SYT16: variants seen among roughly 807,000 people sequenced by gnomAD.
SYT16 encodes the protein synaptotagmin-16.
Under a neutral mutation model 61.4 loss-of-function variants are expected in SYT16, and 42 were observed. The ratio of observed to expected loss-of-function variants is 0.68; its 90% CI spans 0.53 to 0.89. The LOEUF (loss-of-function observed/expected upper bound fraction) is 0.89, where lower values mean the gene tolerates loss of function less well. Ranked by LOEUF, SYT16 falls within the 40% of genes least tolerant of loss-of-function variation. The pLI, the probability that SYT16 is intolerant of heterozygous loss-of-function variation, is 0.00. For synonymous variants in SYT16, 314 were observed against 302.3 expected (o/e 1.04, Z -0.40); for missense variants, 804 against 807.3 (o/e 1.00, Z 0.05).
At chr14:61,919,097 C>T (rs2049231490) in intron 1 of SYT16, among the ~76,000 whole-genome samples, 1 of 152,148 alleles carries the variant, frequency 6.6e-6, no homozygotes, top group Non-Finnish European at 1.5e-5. Context: ...GTTTCTCCAA[C>T]AGGGATATAT....
chr14:61,889,611 CCTCCCTCTCTCTCT>C (rs1422898887), intron 1 of SYT16, among the ~76,000 whole-genome samples: 1 of 151,086 alleles, frequency 6.6e-6, no homozygotes, highest in Non-Finnish European at 1.5e-5. Flanking sequence ...TCTCTGTCTC[CCTCCCTCTCTCTCT>C]CTCCCCTCCC....
intron 1 of SYT16, among the ~76,000 whole-genome samples, chr14:61,859,072 G>A (rs1014269927): frequency 2.6e-5 from 4 of 151,762 alleles, no homozygotes; most frequent in African/African-American, 7.3e-5. Flanking sequence ...TGTTAGCCAG[G>A]ATGGTCTTGA....
rs770798283 is a variant in SYT16, at chr14:62,084,255, G to A, written c.1494G>A (p.Thr498=). 2.4e-5 allele frequency: 38 copies of A among 1,613,810 alleles called. No homozygotes were observed. The highest frequency in any genetic ancestry group is 4.5e-5 in the East Asian group (2 of 44,888). Reference sequence around the variant, plus strand: ...CTCACAGTGATAGTACTTCATCCACGCAGTCGCTGTCTCATGGAGGGGCGC... The same window carrying A: ...CTCACAGTGATAGTACTTCATCCACACAGTCGCTGTCTCATGGAGGGGCGC... The part of the protein sequence containing the change: ...AVSHSDSTSS[T]QSLSHGGAPE... The change falls in exon 7 of 8, where the codon ACG becomes ACA. Residue 498 remains threonine, a synonymous_variant. Coordinates refer to ENST00000683842, the MANE Select transcript of SYT16 (RefSeq NM_001367656.1).
chr14:61,939,004 G>C (rs536456990), intron 1 of SYT16, among the ~76,000 whole-genome samples: 1 of 152,094 alleles, frequency 6.6e-6, no homozygotes, highest in Non-Finnish European at 1.5e-5. Flanking sequence ...GCATGGTGGC[G>C]GGTGCCTATA....
chr14:61,986,271 C>G (rs575337542), intron 2 of SYT16, among the ~76,000 whole-genome samples: 40 of 151,802 alleles, frequency 2.6e-4, no homozygotes, highest in Non-Finnish European at 5.6e-4. Flanking sequence ...CAGAAGTAAG[C>G]TTTAGCGTAG....
chr14:61,880,646 T>C, intron 1 of SYT16, among the ~76,000 whole-genome samples: 1 of 152,210 alleles, frequency 6.6e-6, no homozygotes, highest in African/African-American at 2.4e-5. Context: ...TCAGCAAAAT[T>C]TCACAATTTT....
intron 3 of SYT16, 53 bp downstream of exon 3, chr14:61,996,595 T>G: frequency 6.6e-7 from 1 of 1,519,762 alleles, no homozygotes; most frequent in Non-Finnish European, 8.8e-7. Context: ...GCATTTCTAC[T>G]TATTTTATTT....
chr14:61,921,650 A>AAAGG (rs1284779877), intron 1 of SYT16, among the ~76,000 whole-genome samples: 3 of 152,204 alleles, frequency 2.0e-5, no homozygotes, highest in South Asian at 2.1e-4. Flanking sequence ...GACTTAGAGT[A>AAAGG]AAGGGCTCAG....
chr14:61,923,431 G>T (rs1208164163), intron 1 of SYT16, among the ~76,000 whole-genome samples: 1 of 152,112 alleles, frequency 6.6e-6, no homozygotes, highest in Non-Finnish European at 1.5e-5. Context: ...AAATTGTATT[G>T]ATTTCTACTG....
chr14:61,924,294 G>A (rs539710318), intron 1 of SYT16, among the ~76,000 whole-genome samples: 2 of 152,266 alleles, frequency 1.3e-5, no homozygotes, highest in South Asian at 4.1e-4. Context: ...TTATTTGAGG[G>A]TATATGAGAC....
chr14:62,028,597 A>G (rs142186796), intron 3 of SYT16, among the ~76,000 whole-genome samples: 5 of 152,162 alleles, frequency 3.3e-5, no homozygotes, highest in African/African-American at 4.8e-5. Context: ...ATATTAATTT[A>G]TGTGTTAATT....
intron 3 of SYT16, among the ~76,000 whole-genome samples, chr14:62,067,641 G>A (rs1830929717): frequency 6.6e-6 from 1 of 152,200 alleles, no homozygotes; most frequent in South Asian, 2.1e-4. Flanking sequence ...GGAAACTCTA[G>A]CATACTGTTG....
At chr14:61,983,909 A>G (rs1261741543) in intron 2 of SYT16, among the ~76,000 whole-genome samples, 2 of 152,228 alleles carry the variant, frequency 1.3e-5, no homozygotes, top group African/African-American at 4.8e-5. Context: ...AGCATTGACT[A>G]CAGAGTGGTA....
At chr14:62,041,542 TG>T (rs1467539243) in intron 3 of SYT16, among the ~76,000 whole-genome samples, 2 of 152,206 alleles carry the variant, frequency 1.3e-5, no homozygotes, top group Non-Finnish European at 2.9e-5. Flanking sequence ...AGTCTTGCTC[TG>T]TCGCCTGGGC....
chr14:62,085,587 A>G (rs2056857966), intron 7 of SYT16, among the ~76,000 whole-genome samples: 1 of 152,196 alleles, frequency 6.6e-6, no homozygotes, highest in South Asian at 2.1e-4. Context: ...CCTACAACTG[A>G]ATCTGGGCTC....
chr14:61,876,460 T>G (rs1048899589), intron 1 of SYT16, among the ~76,000 whole-genome samples: 47 of 152,182 alleles, frequency 3.1e-4, no homozygotes, highest in Non-Finnish European at 1.5e-5. Flanking sequence ...TTGACTTGTG[T>G]TCGGATGGGA....
rs565094426 is a variant in SYT16, at chr14:62,100,385, T to G, written c.1625-9T>G. The G allele has an allele frequency of 6.4e-7, 1 of 1,564,502 alleles. No individual in the cohort carries two copies. The highest frequency in any genetic ancestry group is 1.2e-5 in the South Asian group (1 of 82,964). On this transcript the variant is annotated splice_polypyrimidine_tract_variant and intron_variant, in intron 7 of 7. Transcript: ENST00000683842. ...TCATCCCCACCCCACCCTTTTTTTT[T>G]TGTCTTAGATACATATGGAAAACTC...
At chr14:61,909,923 C>G (rs970361068) in intron 1 of SYT16, among the ~76,000 whole-genome samples, 5 of 152,140 alleles carry the variant, frequency 3.3e-5, no homozygotes, top group African/African-American at 1.2e-4. Flanking sequence ...TGTGCCTTGT[C>G]CATAGTCATG....
chr14:61,980,125 T>A (rs541236770), intron 2 of SYT16, among the ~76,000 whole-genome samples: 2 of 152,322 alleles, frequency 1.3e-5, no homozygotes, highest in Non-Finnish European at 2.9e-5. Context: ...GGGGCATATA[T>A]AAAACAAAAC....
Sources: allele counts gnomAD v4.1 joint callset (sites outside exome capture counted in the v4.1 genomes callset), GRCh38; gene constraint gnomAD v4.1.1; transcripts MANE v1.5; gene names NCBI Gene and HGNC (gene_info 2026-07-23, HGNC 2026-07-21).